PDGFD: variants seen among roughly 807,000 people sequenced by gnomAD.
PDGFD encodes platelet-derived growth factor D.
A neutral mutation model predicts 44.7 loss-of-function variants in PDGFD; 30 were observed. That is an observed-to-expected ratio of 0.67 (90% confidence interval 0.50 to 0.91). The LOEUF (loss-of-function observed/expected upper bound fraction) is 0.91. Among genes scored for constraint, PDGFD ranks in the 40% least tolerant of loss-of-function variants. The pLI is 0.00. For synonymous variants in PDGFD, 173 were observed against 168.4 expected (o/e 1.03, Z -0.21); for missense variants, 445 against 457.8 (o/e 0.97, Z 0.25).
chr11:104,000,475 G>A (rs1859603515), intron 1 of PDGFD, among the ~76,000 whole-genome samples: 1 of 152,162 alleles, frequency 6.6e-6, no homozygotes, highest in African/African-American at 2.4e-5. Flanking sequence ...AAAGACTGCT[G>A]AGTGAATGAA....
At position 103,907,790 on chromosome 11, in the gene PDGFD, G is replaced by C. The variant is rs545707456; in HGVS notation, c.*1904C>G. ...AGGAAACTTGCAAAGCAGTTATGAA[G>C]AGGAAGAGCGTTCTTAATTATTAGT... On this transcript the variant is annotated 3_prime_UTR_variant, in exon 7 of 7. Coordinates refer to ENST00000393158, the MANE Select transcript of PDGFD (RefSeq NM_025208.5). 1 of 152,212 alleles carries C rather than the reference G, an allele frequency of 6.6e-6. No homozygotes were observed. The highest frequency in any genetic ancestry group is 1.5e-5 in the Non-Finnish European group (1 of 68,040). The allele number at this position is 152,212 out of a possible 1,614,324, so 9.4% of individuals were successfully genotyped here. A position where few individuals can be genotyped will look rare whatever the true frequency, so the allele number is the denominator to read the frequency against.
rs1861004940 is a variant in PDGFD at position 104,078,844 on chromosome 11, ATACCAT to A, written c.125-78595_125-78590del. ...ATTTACCAATGAGGGAAGAAAGATT[ATACCAT>A]ATTATTTATTTACTTTATATACTTT... On this transcript the variant is annotated intron_variant, in intron 1 of 6. Transcript: ENST00000393158. Among the ~76,000 whole-genome samples, 7 of 134,426 alleles carry A rather than the reference ATACCAT, an allele frequency of 5.2e-5. 2 individuals are homozygous for A. Among genetic ancestry groups the A allele is most frequent in the African/African-American group, 1.5e-4 (5 of 34,184 alleles). The allele number at this position is 134,426 out of a possible 152,430, so 88.2% of individuals were successfully genotyped here.
chr11:103,914,140 G>T (rs541104692), intron 6 of PDGFD, among the ~76,000 whole-genome samples: 1 of 152,296 alleles, frequency 6.6e-6, no homozygotes, highest in South Asian at 2.1e-4. Context: ...TAGGTCCAGA[G>T]TAGGCCTGCA....
At chr11:104,039,959 C>A (rs1730923241) in intron 1 of PDGFD, among the ~76,000 whole-genome samples, 1 of 152,096 alleles carries the variant, frequency 6.6e-6, no homozygotes, top group African/African-American at 2.4e-5. Flanking sequence ...ACCATACCCA[C>A]CCTACCTTCT....
At chr11:104,012,519 G>A (rs879361541) in intron 1 of PDGFD, among the ~76,000 whole-genome samples, 4 of 152,080 alleles carry the variant, frequency 2.6e-5, no homozygotes, top group Admixed American at 6.5e-5. Flanking sequence ...GTCATACAAC[G>A]GATGGTGTTT....
In PDGFD at chr11:104,163,905, T is replaced by G; in HGVS notation, c.23A>C (p.Tyr8Ser). The change falls in exon 1 of 7, where the codon TAC (tyrosine) becomes TCC (serine). Residue 8 changes from tyrosine (Y) to serine (S), a missense_variant. By Grantham distance (144) the Tyr-to-Ser change is moderately radical. Coordinates refer to ENST00000393158, the MANE Select transcript of PDGFD (RefSeq NM_025208.5). ...GCAAAAGTTTGCGCAGATTAGAGTGTAGACAAAGATGAGCCGGTGCATTTG... is the reference window on the plus strand; with the variant it reads ...GCAAAAGTTTGCGCAGATTAGAGTGGAGACAAAGATGAGCCGGTGCATTTG... MHRLIFV[Y>S]TLICANFCSC... The G allele has an allele frequency of 1.3e-6, 2 of 1,554,290 alleles. No individual in the cohort carries two copies. The highest frequency in any genetic ancestry group is 1.8e-6 in the Non-Finnish European group (2 of 1,137,414).
intron 1 of PDGFD, among the ~76,000 whole-genome samples, chr11:104,102,280 C>T (rs1217651050): frequency 6.6e-6 from 1 of 152,152 alleles, no homozygotes. Flanking sequence ...TATGAACAGA[C>T]ACTTCTCAAA....
intron 1 of PDGFD, among the ~76,000 whole-genome samples, chr11:104,087,313 G>T (rs564658521): frequency 6.7e-6 from 1 of 150,352 alleles, no homozygotes; most frequent in African/African-American, 2.5e-5. Flanking sequence ...CTCCTGCCTC[G>T]GCCTCCTGCC....
At chr11:103,985,851 T>A (rs1859355031) in intron 3 of PDGFD, among the ~76,000 whole-genome samples, 1 of 151,798 alleles carries the variant, frequency 6.6e-6, no homozygotes, top group African/African-American at 2.4e-5. Flanking sequence ...GCAGCACAGA[T>A]TGGAGATGGG....
At chr11:104,038,215 C>A in intron 1 of PDGFD, 1 of 575,050 alleles carries the variant, frequency 1.7e-6, no homozygotes, top group Admixed American at 3.2e-5. Context: ...GTCCAGAGAT[C>A]ACTGAAAGGC....
At chr11:104,007,880 C>T (rs960023457) in intron 1 of PDGFD, among the ~76,000 whole-genome samples, 1 of 148,936 alleles carries the variant, frequency 6.7e-6, no homozygotes, top group African/African-American at 2.4e-5. Context: ...TTATAAACAC[C>T]CATTTTGCAA....
chr11:104,101,291 A>AT (rs1290653322), intron 1 of PDGFD, among the ~76,000 whole-genome samples: 1 of 152,124 alleles, frequency 6.6e-6, no homozygotes, highest in African/African-American at 2.4e-5. Context: ...AATCACAAGC[A>AT]TTTTTACACA....
intron 1 of PDGFD, among the ~76,000 whole-genome samples, chr11:104,124,680 A>G (rs554415554): frequency 6.6e-6 from 1 of 152,250 alleles, no homozygotes; most frequent in East Asian, 1.9e-4. Flanking sequence ...TAATAATTTA[A>G]TGAGCTTTTT....
At chr11:104,093,131 T>A (rs186465416) in intron 1 of PDGFD, among the ~76,000 whole-genome samples, 5 of 152,268 alleles carry the variant, frequency 3.3e-5, no homozygotes, top group Admixed American at 3.3e-4. Context: ...TAAATGATTT[T>A]AAGTTTCACA....
chr11:103,915,080 T>A (rs2134301459), intron 6 of PDGFD, among the ~76,000 whole-genome samples: 2 of 152,250 alleles, frequency 1.3e-5, no homozygotes, highest in East Asian at 3.9e-4. Context: ...CAAGATACTA[T>A]TGGAAGTTCT....
At chr11:104,105,643 T>C (rs1266346205) in intron 1 of PDGFD, among the ~76,000 whole-genome samples, 1 of 152,120 alleles carries the variant, frequency 6.6e-6, no homozygotes, top group African/African-American at 2.4e-5. Flanking sequence ...GAGTTAGTAA[T>C]ATTCTGTATA....
intron 1 of PDGFD, among the ~76,000 whole-genome samples, chr11:104,012,197 C>T (rs1317472800): frequency 6.6e-6 from 1 of 152,102 alleles, no homozygotes; most frequent in Non-Finnish European, 1.5e-5. Flanking sequence ...GAATTCCTAG[C>T]ATTCTTTGAT....
chr11:104,041,002 T>C (rs968628956), intron 1 of PDGFD, among the ~76,000 whole-genome samples: 3 of 152,022 alleles, frequency 2.0e-5, no homozygotes, highest in African/African-American at 7.2e-5. Flanking sequence ...CCAAGTTCCT[T>C]TGCAACTTCT....
intron 1 of PDGFD, among the ~76,000 whole-genome samples, chr11:104,071,855 C>A (rs1038179298): frequency 6.6e-6 from 1 of 151,698 alleles, no homozygotes; most frequent in Non-Finnish European, 1.5e-5. Context: ...TTCATCTTCA[C>A]TCTAGTGATT....
Sources: gnomAD v4.1 joint callset for allele counts (sites outside exome capture counted in the v4.1 genomes callset) on GRCh38, gnomAD v4.1.1 for gene constraint, MANE v1.5 for transcripts, NCBI Gene and HGNC (gene_info 2026-07-23, HGNC 2026-07-21) for gene names.